AGBL1: variants seen among roughly 807,000 people sequenced by gnomAD.
AGBL1 encodes AGBL carboxypeptidase 1, also known as cytosolic carboxypeptidase 4.
In AGBL1, 130 loss-of-function variants were observed where a neutral mutation model predicts 118.9. The observed-to-expected ratio is 1.09, with a 90% confidence interval of 0.95 to 1.26. AGBL1 has a LOEUF of 1.26. Among genes scored for constraint, AGBL1 ranks in the 50% most tolerant of loss-of-function variants. The probability of loss-of-function intolerance (pLI) is 0.00; values close to 1 mark genes in which losing one functional copy is unlikely to be tolerated. For missense variants in AGBL1, 1,584 were observed against 1,298.1 expected (o/e 1.22, Z -3.38); for synonymous variants, 555 against 478.9 (o/e 1.16, Z -2.08).
intron 22 of AGBL1, among the ~76,000 whole-genome samples, chr15:86,720,865 G>A (rs1156359117): frequency 6.6e-6 from 1 of 152,088 alleles, no homozygotes; most frequent in African/African-American, 2.4e-5. Flanking sequence ...AGAATACTAT[G>A]AACACCTCTA....
chr15:86,325,643 C>T (rs554591356), intron 17 of AGBL1, among the ~76,000 whole-genome samples: 1 of 152,298 alleles, frequency 6.6e-6, no homozygotes, highest in African/African-American at 2.4e-5. Context: ...CAATCAATAT[C>T]TGCCGGCACA....
intron 20 of AGBL1, among the ~76,000 whole-genome samples, chr15:86,553,708 C>T (rs181115270): frequency 2.1e-4 from 32 of 152,204 alleles, no homozygotes; most frequent in South Asian, 6.2e-4. Context: ...TGAGGATTTC[C>T]GTAGTCTCAA....
chr15:86,594,431 G>A (rs2084379561), intron 21 of AGBL1, among the ~76,000 whole-genome samples: 1 of 152,104 alleles, frequency 6.6e-6, no homozygotes, highest in South Asian at 2.1e-4. Flanking sequence ...AATAAAAAAT[G>A]TTCTTTTCTT....
At chr15:87,012,138 G>C (rs930160247) in intron 24 of AGBL1, among the ~76,000 whole-genome samples, 1 of 151,230 alleles carries the variant, frequency 6.6e-6, no homozygotes. Context: ...GCTAAATCAA[G>C]GTGACCCTTC....
At chr15:86,250,825 C>T (rs1390868) in intron 7 of AGBL1, among the ~76,000 whole-genome samples, 2 of 152,204 alleles carry the variant, frequency 1.3e-5, no homozygotes, top group African/African-American at 2.4e-5. Flanking sequence ...CACCCCTCCT[C>T]TCCCTTCTGC....
intron 1 of AGBL1, among the ~76,000 whole-genome samples, chr15:86,083,194 GA>G (rs200931663): frequency 2.1e-4 from 31 of 147,608 alleles, no homozygotes; most frequent in Middle Eastern, 3.4e-3. Flanking sequence ...AATATACTTG[GA>G]AAAAAAAAAG....
intron 18 of AGBL1, among the ~76,000 whole-genome samples, chr15:86,472,332 C>T (rs557158468): frequency 2.6e-4 from 39 of 152,270 alleles, no homozygotes; most frequent in African/African-American, 8.7e-4. Flanking sequence ...GGCATTTTTA[C>T]TCCTTTGCTT....
intron 5 of AGBL1, among the ~76,000 whole-genome samples, chr15:86,205,983 G>C (rs117806204): frequency 6.6e-6 from 1 of 151,934 alleles, no homozygotes; most frequent in Middle Eastern, 3.2e-3. Context: ...CCCCCTGCCC[G>C]CTACCCCACG....
intron 23 of AGBL1, among the ~76,000 whole-genome samples, chr15:86,930,849 A>G (rs2141635064): frequency 6.6e-6 from 1 of 152,322 alleles, no homozygotes; most frequent in Middle Eastern, 3.4e-3. Flanking sequence ...CTTGGCAAGC[A>G]AAAAGGTAAT....
intron 22 of AGBL1, among the ~76,000 whole-genome samples, chr15:86,683,993 C>T (rs1404028139): frequency 6.6e-6 from 1 of 152,038 alleles, no homozygotes; most frequent in Non-Finnish European, 1.5e-5. Context: ...AGAGCTAGTC[C>T]TTTAGGTCAA....
chr15:86,670,671 T>C (rs980200679), intron 21 of AGBL1, among the ~76,000 whole-genome samples: 1 of 140,260 alleles, frequency 7.1e-6, no homozygotes, highest in Non-Finnish European at 1.5e-5. Context: ...TATAGCAAAC[T>C]TATATAGTAA....
intron 21 of AGBL1, among the ~76,000 whole-genome samples, chr15:86,617,595 CA>C (rs1314071569): frequency 6.6e-6 from 1 of 151,994 alleles, no homozygotes; most frequent in Non-Finnish European, 1.5e-5. Context: ...ATGGTATTGT[CA>C]AAACTGTGAT....
At chr15:86,152,306 G>A (rs552579178) in intron 3 of AGBL1, among the ~76,000 whole-genome samples, 1 of 152,084 alleles carries the variant, frequency 6.6e-6, no homozygotes, top group Non-Finnish European at 1.5e-5. Flanking sequence ...GCATGGTACT[G>A]GTACCAAAAC....
At chr15:86,968,686 C>T (rs998608646) in intron 23 of AGBL1, among the ~76,000 whole-genome samples, 29 of 151,902 alleles carry the variant, frequency 1.9e-4, no homozygotes, top group Admixed American at 1.5e-3. Flanking sequence ...ATAATGGATT[C>T]AATATCTCTG....
At chr15:86,246,909 A>T (rs867698036) in intron 6 of AGBL1, among the ~76,000 whole-genome samples, 2 of 152,084 alleles carry the variant, frequency 1.3e-5, no homozygotes, top group Middle Eastern at 3.2e-3. Context: ...CTCCGGGTCC[A>T]CTGAAGTTCA....
intron 22 of AGBL1, among the ~76,000 whole-genome samples, chr15:86,824,510 C>A (rs1363469918): frequency 6.6e-6 from 1 of 151,608 alleles, no homozygotes; most frequent in African/African-American, 2.4e-5. Context: ...ATATTTATCT[C>A]CAAATTGATC....
chr15:86,289,660 C>T lies in AGBL1; in HGVS notation c.2221-5595C>T, dbSNP rs542112435. On this transcript the variant is annotated intron_variant, in intron 16 of 22. Coordinates refer to ENST00000614907, the MANE Select transcript of AGBL1 (RefSeq NM_001386094.1). ...CCTTGGCTCATGGTACCTCCCTCCA[C>T]GTTCAAAGCCAAAAATTGCATGCCT... is the stretch of plus-strand genomic sequence containing the variant. Among the ~76,000 whole-genome samples the T allele has an allele frequency of 2.1e-4, 32 of 152,250 alleles. 1 individual carries two copies. The South Asian group carries it at 4.8e-3, about 23-fold the overall frequency.
Position 86,819,451 on chromosome 15 carries a change from A to G in AGBL1, c.3159-87636A>G, listed in dbSNP as rs372626546. Among the ~76,000 whole-genome samples the G allele has an allele frequency of 2.0e-5, 3 of 152,104 alleles. No individual in the cohort carries two copies. In the East Asian group the frequency reaches 5.8e-4, roughly 29 times the overall value. On this transcript the variant is annotated intron_variant, in intron 22 of 22. Coordinates refer to ENST00000614907, the MANE Select transcript of AGBL1 (RefSeq NM_001386094.1). The stretch of plus-strand genomic sequence containing the variant: ...ACTTCAGCAAAGTCTCAGGATACAA[A>G]ATTAATGTGCAAAAATCACAAGCAT...
At chr15:86,815,536 C>T (rs549124196) in intron 22 of AGBL1, among the ~76,000 whole-genome samples, 1 of 152,196 alleles carries the variant, frequency 6.6e-6, no homozygotes, top group African/African-American at 2.4e-5. Context: ...TCAGGATCAC[C>T]ACATTGATGA....
Sources: allele counts gnomAD v4.1 joint callset (sites outside exome capture counted in the v4.1 genomes callset), GRCh38; gene constraint gnomAD v4.1.1; transcripts MANE v1.5; gene names NCBI Gene and HGNC (gene_info 2026-07-23, HGNC 2026-07-21).